ACSL1: variants seen among roughly 807,000 people sequenced by gnomAD.
The protein encoded by ACSL1 is acyl-CoA synthetase long chain family member 1.
ACSL1 carries 41 observed loss-of-function variants against 98.4 expected under a neutral mutation model. The ratio of observed to expected loss-of-function variants is 0.42; its 90% CI spans 0.32 to 0.54. The LOEUF (loss-of-function observed/expected upper bound fraction) is 0.54, where lower values mean the gene tolerates loss of function less well. Among genes scored for constraint, ACSL1 ranks in the 20% least tolerant of loss-of-function variants. ACSL1 has a pLI of 0.13. For missense variants in ACSL1, 734 were observed against 883.1 expected, an observed-to-expected ratio of 0.83 and a Z score of 2.14; for synonymous variants, 316 against 322.7, an observed-to-expected ratio of 0.98 and a Z score of 0.22.
intron 5 of ACSL1, among the ~76,000 whole-genome samples, chr4:184,778,046 A>G (rs935074919): frequency 4.6e-5 from 7 of 152,218 alleles, no homozygotes; most frequent in African/African-American, 1.7e-4. Context: ...AAATCCCTCT[A>G]GAAAAGTGCA....
chr4:184,798,826 T>C (rs1218405434), intron 2 of ACSL1: 1 of 152,322 alleles, frequency 6.6e-6, no homozygotes, highest in East Asian at 1.9e-4. Context: ...CTTCTGTGAA[T>C]GTCACAGGGG....
intron 5 of ACSL1, among the ~76,000 whole-genome samples, chr4:184,778,993 A>G (rs1012268170): frequency 6.6e-6 from 1 of 151,980 alleles, no homozygotes; most frequent in Non-Finnish European, 1.5e-5. Flanking sequence ...TGTCTTCTGG[A>G]CACAAGCAGG....
chr4:184,788,612 C>T lies in ACSL1; in HGVS notation c.310+5G>A. On this transcript the variant is annotated splice_donor_5th_base_variant and intron_variant, in intron 3 of 20. Coordinates refer to ENST00000281455, the MANE Select transcript of ACSL1 (RefSeq NM_001995.5). ...GGAGCCACGCAAATGCAGGAAAATG[C>T]TTACTTGACACCTGTATTCCCCTCT... 6.2e-7 allele frequency: 1 copy of T among 1,611,442 alleles called. No individual in the cohort carries two copies. Among genetic ancestry groups the T allele is most frequent in the East Asian group, 2.2e-5 (1 of 44,876 alleles).
At position 184,760,492 on chromosome 4, in the gene ACSL1, G is replaced by A. The variant is rs371985554; in HGVS notation, c.1647C>T (p.Thr549=). 155 of 1,613,964 alleles carry A rather than the reference G, an allele frequency of 9.6e-5. No homozygotes were observed. Among genetic ancestry groups the A allele is most frequent in the Non-Finnish European group, 1.3e-4 (150 of 1,180,004 alleles). ...GCTTTTTCCGGTCGATAATTTTCAA[G>A]GTGCCATTCTGTTGATCAGAGGGGA... is the stretch of plus-strand genomic sequence containing the variant. ...GDIGKWLPNG[T]LKIIDRKKHI... The change falls in exon 18 of 21, where the codon ACC becomes ACT. Residue 549 remains threonine, a synonymous_variant. Transcript: ENST00000281455.
At chr4:184,760,165 A>G (rs894225031) in intron 18 of ACSL1, among the ~76,000 whole-genome samples, 192 bp downstream of exon 18, 5 of 152,222 alleles carry the variant, frequency 3.3e-5, no homozygotes, top group African/African-American at 4.8e-5. Context: ...TGTGGAAATT[A>G]AAGAGAACAA....
At chr4:184,783,764 AC>A (rs1190473459) in intron 4 of ACSL1, among the ~76,000 whole-genome samples, 162 bp downstream of exon 4, 16 of 152,136 alleles carry the variant, frequency 1.1e-4, no homozygotes, top group African/African-American at 3.9e-4. Flanking sequence ...TTCTCCCCAA[AC>A]CTTTGTGTCA....
chr4:184,809,887 G>A (rs1771874153), intron 1 of ACSL1, among the ~76,000 whole-genome samples: 1 of 152,154 alleles, frequency 6.6e-6, no homozygotes, highest in South Asian at 2.1e-4. Context: ...CAGGGTTTGG[G>A]GCATCTCTAC....
At chr4:184,781,634 A>G (rs1022611053) in intron 4 of ACSL1, among the ~76,000 whole-genome samples, 1 of 151,240 alleles carries the variant, frequency 6.6e-6, no homozygotes, top group African/African-American at 2.4e-5. Flanking sequence ...TTTGAGACAT[A>G]GTCTCACTCT....
chr4:184,811,354 TGC>T (rs1772084557), intron 1 of ACSL1, among the ~76,000 whole-genome samples: 1 of 152,050 alleles, frequency 6.6e-6, no homozygotes. Flanking sequence ...CTTTGTGATC[TGC>T]CCGCCTTGGC....
At chr4:184,807,623 G>A (rs1020839192) in intron 1 of ACSL1, among the ~76,000 whole-genome samples, 3 of 152,220 alleles carry the variant, frequency 2.0e-5, no homozygotes, top group African/African-American at 7.2e-5. Context: ...GAGGCAGGGT[G>A]ATGGAAACTG....
Position 184,764,911 on chromosome 4 carries a change from G to A in ACSL1, c.1374C>T (p.Tyr458=), listed in dbSNP as rs34107464. 0.02 allele frequency: 31,668 copies of A among 1,613,000 alleles called. 475 individuals carry two copies. Among genetic ancestry groups the A allele is most frequent in the Middle Eastern group, 0.04 (239 of 6,050 alleles). The part of the protein sequence containing the change: ...AALGCQFYEG[Y]GQTECTAGCC... ...ACCCGGCAGTGCACTCTGTCTGTCC[G>A]TATCCTTCATAAAACTGGGGCACCA... Residue 458 remains tyrosine, a synonymous_variant, in exon 15 of 21, where the codon TAC becomes TAT. Coordinates refer to ENST00000281455, the MANE Select transcript of ACSL1 (RefSeq NM_001995.5).
Position 184,768,405 on chromosome 4 carries a change from C to T in ACSL1, c.1039G>A (p.Asp347Asn). 1.2e-6 allele frequency: 2 copies of T among 1,613,846 alleles called. No homozygotes were observed. The highest frequency in any genetic ancestry group is 8.5e-7 in the Non-Finnish European group (1 of 1,179,950). Reference sequence around the variant, plus strand: ...AGGTCATCCATGAGCAGCCTGATATCTCCTTGGAAAAATCCGATTTTAGCT... The same window carrying T: ...AGGTCATCCATGAGCAGCCTGATATTTCCTTGGAAAAATCCGATTTTAGCT... The part of the protein sequence containing the change: ...HGAKIGFFQG[D>N]IRLLMDDLKV... The change falls in exon 12 of 21, where the codon GAT becomes AAT. Residue 347 changes from aspartate (D) to asparagine (N), a missense_variant. Physicochemically the swap from Asp to Asn is conservative, Grantham distance 23 (BLOSUM62 1). Coordinates refer to ENST00000281455, the MANE Select transcript of ACSL1 (RefSeq NM_001995.5).
At chr4:184,792,450 T>C (rs928233620) in intron 2 of ACSL1, among the ~76,000 whole-genome samples, 17 of 152,088 alleles carry the variant, frequency 1.1e-4, no homozygotes, top group African/African-American at 4.1e-4. Flanking sequence ...TATTTTTTTT[T>C]CCCGAAACAG....
chr4:184,766,554 G>A lies in ACSL1; in HGVS notation c.1263+68C>T, dbSNP rs1041525191. The A allele has an allele frequency of 2.6e-6, 4 of 1,553,200 alleles. No homozygotes were observed. The African/African-American group carries it at 4.1e-5, about 16-fold the overall frequency. On this transcript the variant is annotated intron_variant, in intron 13 of 20. Transcript: ENST00000281455. The surrounding 1 kb of genome is among the most constrained non-coding windows in gnomAD (Gnocchi z 4.8). ...CTTCATCTCTCCCTCTCACAAAAAA[G>A]GCCCTCCCAGAACTCTGAAAAGCGA...
chr4:184,760,085 T>C (rs968071438), intron 18 of ACSL1, among the ~76,000 whole-genome samples: 1 of 152,202 alleles, frequency 6.6e-6, no homozygotes, highest in Non-Finnish European at 1.5e-5. Context: ...ATATTACCCA[T>C]GCCCCTGTCC....
In ACSL1 at chr4:184,776,636, T is replaced by G; in HGVS notation, c.604A>C (p.Lys202Gln). The change falls in exon 7 of 21, where the codon AAG becomes CAG. Residue 202 changes from lysine (K) to glutamine (Q), a missense_variant. Transcript: ENST00000281455. ...AATAAGAGTTTGGCCTTCTCTGGCT[T>G]GTCAACAAAAACCAGAGAGAGTTCA... ...KAELSLVFVD[K>Q]PEKAKLLLEG... is the part of the protein sequence containing the mutation. The G allele has an allele frequency of 1.9e-6, 3 of 1,612,210 alleles. No homozygotes were observed. Among genetic ancestry groups the G allele is most frequent in the Non-Finnish European group, 2.5e-6 (3 of 1,179,834 alleles).
intron 1 of ACSL1, among the ~76,000 whole-genome samples, chr4:184,823,456 A>G (rs1207998850): frequency 6.6e-6 from 1 of 152,212 alleles, no homozygotes; most frequent in African/African-American, 2.4e-5. Flanking sequence ...CTTAAAAACT[A>G]AACATTCCTC....
intron 5 of ACSL1, among the ~76,000 whole-genome samples, chr4:184,777,682 C>T (rs2150336861): frequency 6.6e-6 from 1 of 152,254 alleles, no homozygotes; most frequent in East Asian, 1.9e-4. Flanking sequence ...AATTATCAGA[C>T]AGGGACTGAC....
Position 184,825,705 on chromosome 4 carries a change from C to G in ACSL1, c.-33+211G>C, listed in dbSNP as rs1019101769. Among the ~76,000 whole-genome samples, 1 of 149,912 alleles carries G rather than the reference C, an allele frequency of 6.7e-6. No homozygotes were observed. The highest frequency in any genetic ancestry group is 1.5e-5 in the Non-Finnish European group (1 of 67,052). The stretch of plus-strand genomic sequence containing the variant: ...ACAGGAAGCTGCGGCAGCACGGGCA[C>G]CCCGGAGGCCTCCGGCTGCCGAGGG... On this transcript the variant is annotated intron_variant, in intron 1 of 20. Transcript: ENST00000281455. This position sits in a 1 kb window ranked among gnomAD's most constrained non-coding sequence, Gnocchi z 4.7.
Sources: gnomAD v4.1 joint callset for allele counts (sites outside exome capture counted in the v4.1 genomes callset) on GRCh38, gnomAD v4.1.1 for gene constraint, Gnocchi (gnomAD v3.1) non-coding constraint, MANE v1.5 for transcripts, NCBI Gene and HGNC (gene_info 2026-07-23, HGNC 2026-07-21) for gene names.